PAK3: variants seen among roughly 807,000 people sequenced by gnomAD.
PAK3 encodes serine/threonine-protein kinase PAK 3.
Under a neutral mutation model 41.0 loss-of-function variants are expected in PAK3, and 4 were observed. The ratio of observed to expected loss-of-function variants is 0.10; its 90% CI spans 0.05 to 0.22. The LOEUF is 0.22. PAK3 is among the 10% of genes least tolerant of loss of function. The pLI is 1.00. For missense variants in PAK3, 205 were observed against 409.9 expected (o/e 0.50, Z 4.32); for synonymous variants, 146 against 139.6 (o/e 1.05, Z -0.32).
chrX:111,222,038 A>G lies in PAK3; in HGVS notation c.*1591A>G, dbSNP rs1277877600. 1 of 112,129 alleles carries G rather than the reference A, an allele frequency of 8.9e-6. No homozygotes were observed. Among genetic ancestry groups the G allele is most frequent in the Non-Finnish European group, 1.9e-5 (1 of 53,185 alleles). 9.2% of individuals were successfully genotyped at this position (112,129 alleles called of 1,213,427 possible). ...CTGCGGAGTGTCTGTGTAGAAAAGG[A>G]TATGCCTCTCTTTTGAGTGTATTGA... On this transcript the variant is annotated 3_prime_UTR_variant, in exon 18 of 18. Coordinates refer to ENST00000372007, the MANE Select transcript of PAK3 (RefSeq NM_002578.5).
chrX:111,065,748 T>A (rs1233925987), intron 1 of PAK3, among the ~76,000 whole-genome samples: 1 of 111,662 alleles, frequency 9.0e-6, no homozygotes, highest in Non-Finnish European at 1.9e-5. Context: ...TTAATATTAA[T>A]CTTTTCAGGG....
chrX:110,957,896 C>T (rs747763419), intron 1 of PAK3, among the ~76,000 whole-genome samples: 1 of 111,917 alleles, frequency 8.9e-6, no homozygotes, highest in South Asian at 3.8e-4. Context: ...AACCTACCCT[C>T]ATGAAGCTTA....
chrX:111,183,820 G>A (rs767656736), intron 11 of PAK3, among the ~76,000 whole-genome samples: 5 of 111,622 alleles, frequency 4.5e-5, no homozygotes, highest in African/African-American at 9.7e-5. Context: ...AGTAGTAAGC[G>A]CTTGGCCATG....
intron 1 of PAK3, among the ~76,000 whole-genome samples, chrX:111,040,199 C>T (rs1478964533): frequency 1.8e-5 from 2 of 109,910 alleles, no homozygotes; most frequent in South Asian, 3.9e-4. Context: ...CAAGTTCCAC[C>T]GAATGAGTTA....
chrX:111,178,974 T>G (rs183932454), intron 11 of PAK3, among the ~76,000 whole-genome samples: 5,363 of 92,149 alleles, frequency 0.058, 271 homozygotes, highest in African/African-American at 0.21. Flanking sequence ...TATATATATA[T>G]ATATATAGAG....
At chrX:111,161,629 G>T (rs2149188745) in intron 8 of PAK3, among the ~76,000 whole-genome samples, 1 of 111,220 alleles carries the variant, frequency 9.0e-6, no homozygotes, top group South Asian at 3.8e-4. Flanking sequence ...AATCCATCTT[G>T]AATTAATTTT....
Position 111,194,337 on chromosome X carries a change from A to G in PAK3, c.1029A>G (p.Glu343=), listed in dbSNP as rs1472087203. Residue 343 remains glutamate (E), a synonymous_variant, in exon 14 of 18, where the codon GAA becomes GAG. Coordinates refer to ENST00000372007, the MANE Select transcript of PAK3 (RefSeq NM_002578.5). ...LVGDELWVVM[E]YLAGGSLTDV... ...GTGATGAACTATGGGTAGTCATGGA[A>G]TACTTGGCTGGTGGCTCTCTGACTG... The G allele has an allele frequency of 8.4e-7, 1 of 1,187,099 alleles. No individual in the cohort carries two copies. The highest frequency in any genetic ancestry group is 3.0e-5 in the East Asian group (1 of 33,738).
intron 1 of PAK3, among the ~76,000 whole-genome samples, chrX:111,044,395 G>A (rs955081738): frequency 8.9e-6 from 1 of 112,055 alleles, no homozygotes; most frequent in African/African-American, 3.2e-5. Flanking sequence ...TTCTCCCAAG[G>A]GGAAACCTTG....
chrX:111,004,451 T>G (rs1009843980), intron 1 of PAK3, among the ~76,000 whole-genome samples: 5 of 112,120 alleles, frequency 4.5e-5, no homozygotes, highest in African/African-American at 1.6e-4. Context: ...AATGTACACA[T>G]GTGTCTATTA....
At chrX:111,172,954 TTC>T (rs763717339) in intron 10 of PAK3, 62 bp from the exon 11 acceptor site, 28,704 of 370,194 alleles carry the variant, frequency 0.078, no homozygotes, top group East Asian at 0.095. Flanking sequence ...CAATTTCTAT[TTC>T]TCTCTCTCTC....
At chrX:111,028,001 G>GTGTGTGTATATATATACACATATATA (rs780630460) in intron 1 of PAK3, among the ~76,000 whole-genome samples, 4 of 96,199 alleles carry the variant, frequency 4.2e-5, no homozygotes, top group African/African-American at 1.5e-4. Flanking sequence ...ATATGTGTGT[G>GTGTGTGTATATATATACACATATATA]TGTGTATATA....
intron 1 of PAK3, among the ~76,000 whole-genome samples, chrX:111,030,644 A>G (rs1213607585): frequency 9.0e-6 from 1 of 111,067 alleles, no homozygotes; most frequent in Non-Finnish European, 1.9e-5. Flanking sequence ...TGTTGGATGG[A>G]TGGATGGAGC....
chrX:111,051,310 T>C (rs1210304432), intron 1 of PAK3, among the ~76,000 whole-genome samples: 1 of 111,851 alleles, frequency 8.9e-6, no homozygotes, highest in African/African-American at 3.3e-5. Flanking sequence ...ATATGAATTT[T>C]TTTCTGAATA....
At chrX:111,176,633 C>T (rs188717575) in intron 11 of PAK3, among the ~76,000 whole-genome samples, 1 of 111,139 alleles carries the variant, frequency 9.0e-6, no homozygotes, top group Admixed American at 9.6e-5. Context: ...CTCAGTGTGT[C>T]TTCACATTTT....
At chrX:111,043,293 CA>C (rs751253205) in intron 1 of PAK3, among the ~76,000 whole-genome samples, 985 of 65,106 alleles carry the variant, frequency 0.015, 8 homozygotes, top group African/African-American at 0.024. Flanking sequence ...GACCCTGTCT[CA>C]AAAAAAAAAA....
intron 11 of PAK3, among the ~76,000 whole-genome samples, chrX:111,188,877 G>A (rs960793676): frequency 1.7e-4 from 19 of 111,509 alleles, no homozygotes; most frequent in African/African-American, 6.2e-4. Context: ...TTGTGCATGC[G>A]GCCTAAATAC....
At chrX:111,214,683 C>T (rs1041001845) in intron 16 of PAK3, among the ~76,000 whole-genome samples, 2 of 111,148 alleles carry the variant, frequency 1.8e-5, no homozygotes, top group African/African-American at 6.6e-5. Context: ...TTGACAGCCA[C>T]TAGATTAAAC....
intron 1 of PAK3, among the ~76,000 whole-genome samples, chrX:110,969,094 ATTTTTT>A (rs60724970): frequency 3.4e-4 from 14 of 40,614 alleles, no homozygotes; most frequent in South Asian, 4.1e-3. Flanking sequence ...GACCTGCCTA[ATTTTTT>A]TTTTTTTTTT....
intron 4 of PAK3, among the ~76,000 whole-genome samples, chrX:111,110,223 A>G (rs2093346381): frequency 8.9e-6 from 1 of 112,366 alleles, no homozygotes. Flanking sequence ...GCAGTTCCCA[A>G]ATGTGGATAT....
Sources: gnomAD v4.1 joint callset for allele counts (sites outside exome capture counted in the v4.1 genomes callset) on GRCh38, gnomAD v4.1.1 for gene constraint, MANE v1.5 for transcripts, NCBI Gene and HGNC (gene_info 2026-07-23, HGNC 2026-07-21) for gene names.